C16orf74: variants seen among roughly 807,000 people sequenced by gnomAD.
C16orf74 encodes the protein uncharacterized protein C16orf74.
C16orf74 carries 10 observed loss-of-function variants against 6.5 expected under a neutral mutation model. The observed-to-expected ratio is 1.54, with a 90% CI of 0.95 to 2.61. The LOEUF (loss-of-function observed/expected upper bound fraction) is 2.61, where lower values mean the gene tolerates loss of function less well. Ranked by LOEUF, C16orf74 falls within the 30% of genes most tolerant of loss-of-function variation. The pLI, the probability that C16orf74 is intolerant of heterozygous loss-of-function variation, is 0.00. For synonymous variants in C16orf74, 60 were observed against 42.5 expected (o/e 1.41, Z -1.60); for missense variants, 141 against 105.9 (o/e 1.33, Z -1.45).
chr16:85,724,889 G>A (rs575644328), intron 2 of C16orf74, among the ~76,000 whole-genome samples: 1 of 152,340 alleles, frequency 6.6e-6, no homozygotes, highest in Non-Finnish European at 1.5e-5. Flanking sequence ...AGTGTGAGGA[G>A]GAGAACATCC....
At chr16:85,740,227 A>G (rs575736035) in intron 1 of C16orf74, among the ~76,000 whole-genome samples, 4 of 150,462 alleles carry the variant, frequency 2.7e-5, no homozygotes, top group East Asian at 2.0e-4. Flanking sequence ...AAAAAAAAAA[A>G]AAAGAAAAAG....
At chr16:85,749,970 G>C (rs1299374119) in intron 1 of C16orf74, among the ~76,000 whole-genome samples, 1 of 152,210 alleles carries the variant, frequency 6.6e-6, no homozygotes, top group Non-Finnish European at 1.5e-5. Flanking sequence ...CAAGGAGGGC[G>C]TGGCCTGCAC....
At chr16:85,724,284 G>T (rs947835810) in intron 2 of C16orf74, among the ~76,000 whole-genome samples, 3 of 152,178 alleles carry the variant, frequency 2.0e-5, no homozygotes, top group Admixed American at 6.5e-5. Context: ...CTGTCTCCCT[G>T]GAGGCTCATT....
At chr16:85,733,539 C>T (rs2054213145) in intron 2 of C16orf74, among the ~76,000 whole-genome samples, 1 of 152,146 alleles carries the variant, frequency 6.6e-6, no homozygotes, top group South Asian at 2.1e-4. Flanking sequence ...ATGGTTAAAA[C>T]GGTAAGTTTA....
intron 2 of C16orf74, among the ~76,000 whole-genome samples, chr16:85,730,653 A>AC (rs1034831004): frequency 2.1e-5 from 3 of 141,504 alleles, no homozygotes; most frequent in African/African-American, 7.9e-5. Flanking sequence ...AGCCAACTGA[A>AC]CCCCCAGATT....
At chr16:85,746,579 C>G (rs925973338) in intron 1 of C16orf74, among the ~76,000 whole-genome samples, 1 of 152,154 alleles carries the variant, frequency 6.6e-6, no homozygotes, top group Non-Finnish European at 1.5e-5. Flanking sequence ...CACGGTGGCA[C>G]CTTGCCCTGC....
intron 2 of C16orf74, among the ~76,000 whole-genome samples, chr16:85,721,447 G>C (rs751752954): frequency 1.3e-5 from 2 of 152,210 alleles, no homozygotes; most frequent in Non-Finnish European, 2.9e-5. Flanking sequence ...CTGGAGGGCA[G>C]GGTCACCAGG....
chr16:85,725,074 G>C (rs1030261566), intron 2 of C16orf74, among the ~76,000 whole-genome samples: 1 of 151,110 alleles, frequency 6.6e-6, no homozygotes, highest in Non-Finnish European at 1.5e-5. Context: ...ATGGGGGGGG[G>C]ACCGGCTAAG....
intron 1 of C16orf74, among the ~76,000 whole-genome samples, chr16:85,750,467 C>T (rs1035740660): frequency 6.6e-6 from 1 of 152,190 alleles, no homozygotes; most frequent in Non-Finnish European, 1.5e-5. Context: ...GCAGGGGGGC[C>T]CCTAAGTGAG....
At chr16:85,712,775 A>G (rs1389015189) in intron 2 of C16orf74, among the ~76,000 whole-genome samples, 1 of 152,236 alleles carries the variant, frequency 6.6e-6, no homozygotes, top group African/African-American at 2.4e-5. Context: ...TTGCCTAAAA[A>G]GAGGTCTGGT....
At chr16:85,736,145 G>T (rs1409742174) in intron 1 of C16orf74, among the ~76,000 whole-genome samples, 1 of 152,198 alleles carries the variant, frequency 6.6e-6, no homozygotes, top group African/African-American at 2.4e-5. Context: ...GGGAGGTCAG[G>T]CAGGAACAGG....
chr16:85,711,940 T>C (rs1209073300), intron 2 of C16orf74, among the ~76,000 whole-genome samples: 3 of 152,172 alleles, frequency 2.0e-5, no homozygotes, highest in Admixed American at 6.5e-5. Context: ...TCTAAGCCCT[T>C]GAGTGTGGAT....
At chr16:85,728,125 G>A (rs1458032235) in intron 2 of C16orf74, among the ~76,000 whole-genome samples, 1 of 152,106 alleles carries the variant, frequency 6.6e-6, no homozygotes. Flanking sequence ...GCAACAGAGG[G>A]AGAGTGAGAT....
Position 85,709,028 on chromosome 16 carries a change from G to A in C16orf74, c.173-962C>T, listed in dbSNP as rs11641988. On this transcript the variant is annotated intron_variant, in intron 3 of 3. Coordinates refer to ENST00000284245, the MANE Select transcript of C16orf74 (RefSeq NM_206967.3). ...CTGCGGCACCCGTGACTAGCACATG[G>A]CAAGTGTCTCAGCCTCTCTCAACCT... 2.6e-3 allele frequency among the ~76,000 whole-genome samples: 403 copies of A among 152,368 alleles called. 1 individual carries two copies. The highest frequency in any genetic ancestry group is 4.9e-3 in the Admixed American group (75 of 15,308).
rs781298367 is a variant in C16orf74 at position 85,708,114 on chromosome 16, C to T, written c.173-48G>A. On this transcript the variant is annotated intron_variant, in intron 3 of 3. Coordinates refer to ENST00000284245, the MANE Select transcript of C16orf74 (RefSeq NM_206967.3). Reference sequence around the variant, plus strand: ...ACCTGGATGCACCCTGCCCCCACCACACCAAGCCCCGTTTCCCTGGGAACT... The same window carrying T: ...ACCTGGATGCACCCTGCCCCCACCATACCAAGCCCCGTTTCCCTGGGAACT... The T allele has an allele frequency of 4.1e-6, 6 of 1,471,674 alleles. No homozygotes were observed. In the South Asian group the frequency reaches 7.3e-5, roughly 18 times the overall value. 91.2% of individuals were successfully genotyped at this position (1,471,674 alleles called of 1,614,324 possible).
chr16:85,748,482 C>T (rs556303826), intron 1 of C16orf74, among the ~76,000 whole-genome samples: 141 of 152,112 alleles, frequency 9.3e-4, no homozygotes, highest in Middle Eastern at 3.4e-3. Context: ...CCTGTAATCC[C>T]AGCTACTCAG....
intron 1 of C16orf74, among the ~76,000 whole-genome samples, chr16:85,746,501 T>C (rs2054374759): frequency 6.6e-6 from 1 of 152,122 alleles, no homozygotes; most frequent in African/African-American, 2.4e-5. Flanking sequence ...ACAGGGAAAG[T>C]GAATGAACTG....
At chr16:85,710,448 C>G (rs1004250159) in intron 2 of C16orf74, 141 bp from the exon 3 acceptor site, 3 of 686,220 alleles carry the variant, frequency 4.4e-6, no homozygotes, top group Non-Finnish European at 6.7e-6. Context: ...CGCAGCTGTC[C>G]CCGCATCACA....
chr16:85,724,378 G>A (rs1462765909), intron 2 of C16orf74, among the ~76,000 whole-genome samples: 2 of 152,212 alleles, frequency 1.3e-5, no homozygotes, highest in Non-Finnish European at 2.9e-5. Context: ...ACGAGGGGGA[G>A]GCTCTGTCTG....
Sources: allele counts gnomAD v4.1 joint callset (sites outside exome capture counted in the v4.1 genomes callset), GRCh38; gene constraint gnomAD v4.1.1; transcripts MANE v1.5; gene names NCBI Gene and HGNC (gene_info 2026-07-23, HGNC 2026-07-21).